The following DNAAF11 variants were observed in gnomAD, a reference collection of about 807,000 sequenced individuals.
DNAAF11 encodes dynein axonemal assembly factor 11.
A neutral mutation model predicts 60.8 loss-of-function variants in DNAAF11; 45 were observed. The observed-to-expected ratio is 0.74, with a 90% CI of 0.58 to 0.95. The LOEUF is 0.95. Among genes scored for constraint, DNAAF11 ranks in the 40% least tolerant of loss-of-function variants. The pLI, the probability that DNAAF11 is intolerant of heterozygous loss-of-function variation, is 0.00. For synonymous variants in DNAAF11, 191 were observed against 183.5 expected (o/e 1.04, Z -0.33); for missense variants, 546 against 546.2 (o/e 1.00, Z 0.00).
chr8:132,610,172 C>T lies in DNAAF11; in HGVS notation c.1134G>A (p.Met378Ile). Residue 378 changes from methionine (M) to isoleucine (I), a missense_variant, in exon 10 of 12, where the codon ATG becomes ATA. Physicochemically the swap from Met to Ile is conservative, Grantham distance 10. Transcript: ENST00000620350. ...CCCAAATGACATGACCTACCTTGGG[C>T]ATGCAGATGACCAAATGACCCGTTG... Reference protein sequence around the residue: ...SQTTGHLVICMPKVGEVITGG... With the variant: ...SQTTGHLVICIPKVGEVITGG... The T allele has an allele frequency of 6.2e-7, 1 of 1,613,144 alleles. No homozygotes were observed. The highest frequency in any genetic ancestry group is 8.5e-7 in the Non-Finnish European group (1 of 1,179,168).
chr8:132,676,148 A>G (rs547452982), upstream of DNAAF11, among the ~76,000 whole-genome samples: 2 of 152,308 alleles, frequency 1.3e-5, no homozygotes, highest in African/African-American at 4.8e-5. Flanking sequence ...CAAGCTTTCC[A>G]GAAACGCCAC....
chr8:132,607,327 G>A (rs986335575), intron 10 of DNAAF11, among the ~76,000 whole-genome samples: 7 of 152,192 alleles, frequency 4.6e-5, no homozygotes, highest in South Asian at 2.1e-4. Context: ...ACTAGGGACC[G>A]TGATATTTGT....
intron 3 of DNAAF11, among the ~76,000 whole-genome samples, chr8:132,640,102 C>A (rs1043382497): frequency 2.0e-5 from 3 of 152,150 alleles, no homozygotes; most frequent in East Asian, 1.9e-4. Flanking sequence ...GTCTAATAGA[C>A]CTTCTTCAAC....
At chr8:132,620,227 T>C (rs969657986) in intron 7 of DNAAF11, among the ~76,000 whole-genome samples, 1 of 151,330 alleles carries the variant, frequency 6.6e-6, no homozygotes, top group African/African-American at 2.4e-5. Context: ...AGCCCAAGAG[T>C]GGGTAGTGTG....
At chr8:132,651,114 C>T (rs1231329888) in intron 3 of DNAAF11, among the ~76,000 whole-genome samples, 2 of 152,044 alleles carry the variant, frequency 1.3e-5, no homozygotes, top group South Asian at 2.1e-4. Context: ...GCTCAGTGAC[C>T]CTCTGGGGTC....
chr8:132,665,486 T>TA (rs34313470), intron 1 of DNAAF11, among the ~76,000 whole-genome samples: 2,807 of 146,326 alleles, frequency 0.019, 35 homozygotes, highest in Middle Eastern at 0.052. Flanking sequence ...CAGCAAACTT[T>TA]AAAAAAAAAA....
chr8:132,697,668 A>G, the DNAAF11 span, among the ~76,000 whole-genome samples: 1 of 152,112 alleles, frequency 6.6e-6, no homozygotes, highest in African/African-American at 2.4e-5. Flanking sequence ...CTGATGGGCC[A>G]GAGTATGAGA....
chr8:132,631,617 C>G (rs984221733), intron 5 of DNAAF11, among the ~76,000 whole-genome samples: 1 of 152,082 alleles, frequency 6.6e-6, no homozygotes, highest in Admixed American at 6.6e-5. Context: ...ATATATCAAA[C>G]ACGCACCAGC....
the DNAAF11 span, chr8:132,685,225 T>C: frequency 6.6e-6 from 1 of 152,214 alleles, no homozygotes; most frequent in Non-Finnish European, 1.5e-5. Context: ...GTCCAGCTCA[T>C]AGAAAACGTG....
chr8:132,675,668 G>A (rs750824700), upstream of DNAAF11: 6 of 556,136 alleles, frequency 1.1e-5, no homozygotes, highest in African/African-American at 2.0e-5. Context: ...GCTCCGCGGA[G>A]CAAGCAGAGG....
At chr8:132,645,694 T>C (rs918315877) in intron 3 of DNAAF11, among the ~76,000 whole-genome samples, 1 of 152,024 alleles carries the variant, frequency 6.6e-6, no homozygotes, top group Non-Finnish European at 1.5e-5. Flanking sequence ...AAGTGATGCA[T>C]GTACAAGCTT....
At chr8:132,614,526 T>C (rs1315114548) in intron 8 of DNAAF11, among the ~76,000 whole-genome samples, 3 of 151,886 alleles carry the variant, frequency 2.0e-5, no homozygotes, top group Non-Finnish European at 4.4e-5. Context: ...TTGGGTGTGG[T>C]GATGAGGGCA....
At chr8:132,650,745 T>C (rs555017581) in intron 3 of DNAAF11, among the ~76,000 whole-genome samples, 1 of 152,302 alleles carries the variant, frequency 6.6e-6, no homozygotes, top group African/African-American at 2.4e-5. Context: ...TAAGATAGGT[T>C]AGGTGGCATT....
chr8:132,642,425 T>C (rs1324361278), intron 3 of DNAAF11, among the ~76,000 whole-genome samples: 3 of 152,246 alleles, frequency 2.0e-5, no homozygotes, highest in East Asian at 1.9e-4. Context: ...TCTCTCTGCA[T>C]TGGGGCTGGC....
intron 8 of DNAAF11, among the ~76,000 whole-genome samples, chr8:132,611,757 G>A (rs887401353): frequency 2.0e-5 from 3 of 152,006 alleles, no homozygotes; most frequent in Admixed American, 2.0e-4. Context: ...CTTCCTTGGC[G>A]GCTCTGGATC....
At chr8:132,588,007 T>C (rs1007932217) in intron 10 of DNAAF11, among the ~76,000 whole-genome samples, 2 of 152,182 alleles carry the variant, frequency 1.3e-5, no homozygotes, top group Non-Finnish European at 2.9e-5. Context: ...ACTATAAAAG[T>C]TACTCATACC....
chr8:132,575,375 A>G (rs1475526896), intron 11 of DNAAF11, among the ~76,000 whole-genome samples: 1 of 152,230 alleles, frequency 6.6e-6, no homozygotes, highest in East Asian at 1.9e-4. Flanking sequence ...GCATCAGTCA[A>G]TATGTACTAG....
intron 1 of DNAAF11, among the ~76,000 whole-genome samples, chr8:132,665,290 G>C (rs1824525549): frequency 6.6e-6 from 1 of 151,898 alleles, no homozygotes; most frequent in Admixed American, 6.6e-5. Flanking sequence ...GGAGATTATA[G>C]TGTTTCATGC....
At chr8:132,673,178 G>A (rs955738251) in intron 1 of DNAAF11, among the ~76,000 whole-genome samples, 1 of 152,196 alleles carries the variant, frequency 6.6e-6, no homozygotes, top group African/African-American at 2.4e-5. Flanking sequence ...CGGCAGTGCG[G>A]TGTAATGCAG....
Sources: gnomAD v4.1 joint callset for allele counts (sites outside exome capture counted in the v4.1 genomes callset) on GRCh38, gnomAD v4.1.1 for gene constraint, MANE v1.5 for transcripts, NCBI Gene and HGNC (gene_info 2026-07-23, HGNC 2026-07-21) for gene names.